The following CACNA1D variants were observed in gnomAD, a reference collection of about 807,000 sequenced individuals.
CACNA1D encodes calcium voltage-gated channel subunit alpha1 D.
In CACNA1D, 55 loss-of-function variants were observed where a neutral mutation model predicts 257.1. The ratio of observed to expected loss-of-function variants is 0.21; its 90% CI spans 0.17 to 0.27. The LOEUF is 0.27. Among genes scored for constraint, CACNA1D ranks in the 10% least tolerant of loss-of-function variants. CACNA1D has a pLI of 1.00. For synonymous variants in CACNA1D, 980 were observed against 1,014.9 expected (o/e 0.97, Z 0.65); for missense variants, 1,876 against 2,784.0 (o/e 0.67, Z 7.34).
At chr3:53,713,543 T>TGTGTGTGTGTGTGTGTGA (rs377132134) in intron 9 of CACNA1D, among the ~76,000 whole-genome samples, 116 of 121,002 alleles carry the variant, frequency 9.6e-4, no homozygotes, top group African/African-American at 3.4e-3. Flanking sequence ...TGTGTGTGTG[T>TGTGTGTGTGTGTGTGTGA]GAGAGATTTG....
chr3:53,790,871 T>G (rs2095479371), intron 40 of CACNA1D: 2 of 665,792 alleles, frequency 3.0e-6, no homozygotes, highest in Non-Finnish European at 5.4e-6. Context: ...TAAAGCATGA[T>G]TCTACCTGAA....
At chr3:53,658,754 G>A (rs72978534) in intron 4 of CACNA1D, among the ~76,000 whole-genome samples, 1 of 152,192 alleles carries the variant, frequency 6.6e-6, no homozygotes, top group Non-Finnish European at 1.5e-5. Context: ...TGAAGAGAGA[G>A]AAGCCTGTCA....
intron 3 of CACNA1D, among the ~76,000 whole-genome samples, chr3:53,580,443 T>TC (rs1316238025): frequency 6.6e-6 from 1 of 152,244 alleles, no homozygotes; most frequent in Non-Finnish European, 1.5e-5. Flanking sequence ...GGCCATCTCC[T>TC]CTGCATCTCC....
intron 8 of CACNA1D, among the ~76,000 whole-genome samples, chr3:53,689,969 T>A (rs2094505117): frequency 6.6e-6 from 1 of 152,242 alleles, no homozygotes; most frequent in African/African-American, 2.4e-5. Flanking sequence ...TAGATTTTTT[T>A]TTAATTGCTT....
chr3:53,513,218 G>A (rs1353575020), intron 3 of CACNA1D, among the ~76,000 whole-genome samples: 1 of 152,182 alleles, frequency 6.6e-6, no homozygotes, highest in Non-Finnish European at 1.5e-5. Context: ...GAATAACAGT[G>A]TTTCAGTTCA....
intron 3 of CACNA1D, among the ~76,000 whole-genome samples, chr3:53,528,561 T>C (rs1383949228): frequency 6.6e-6 from 1 of 152,188 alleles, no homozygotes; most frequent in African/African-American, 2.4e-5. Flanking sequence ...CTTGTCAATT[T>C]CTATAAAACA....
rs1295154983 is a variant in CACNA1D at position 53,587,255 on chromosome 3, A to G, written c.484-63524A>G. On this transcript the variant is annotated intron_variant, in intron 3 of 47. Transcript: ENST00000350061. ...TTATTCAGGGAAATGTTCGTGCTGT[A>G]GACTCTGGGGTGACTGAAGTGGGAA... Among the ~76,000 whole-genome samples the G allele has an allele frequency of 2.6e-5, 4 of 152,184 alleles. No individual in the cohort carries two copies. In the East Asian group the frequency reaches 7.7e-4, roughly 29 times the overall value.
chr3:53,508,979 G>T (rs535052854), intron 3 of CACNA1D, among the ~76,000 whole-genome samples: 1 of 152,170 alleles, frequency 6.6e-6, no homozygotes, highest in Non-Finnish European at 1.5e-5. Context: ...AAGGGTAGAG[G>T]GCTGGTTAGC....
chr3:53,544,194 C>G (rs927705853), intron 3 of CACNA1D, among the ~76,000 whole-genome samples: 1 of 152,150 alleles, frequency 6.6e-6, no homozygotes, highest in Non-Finnish European at 1.5e-5. Flanking sequence ...AGAGGGTCAT[C>G]TTGTCCCAAA....
At chr3:53,688,276 C>G (rs889551819) in intron 8 of CACNA1D, among the ~76,000 whole-genome samples, 4 of 152,192 alleles carry the variant, frequency 2.6e-5, no homozygotes, top group Non-Finnish European at 5.9e-5. Context: ...CCTGTGGGGT[C>G]TCTGCTGGCT....
intron 5 of CACNA1D, among the ~76,000 whole-genome samples, chr3:53,662,020 G>T (rs2094208361): frequency 6.6e-6 from 1 of 152,198 alleles, no homozygotes; most frequent in Non-Finnish European, 1.5e-5. Flanking sequence ...AAAAGGATCA[G>T]AGGTTGTCGG....
chr3:53,633,130 G>A (rs1338636254), intron 3 of CACNA1D, among the ~76,000 whole-genome samples: 2 of 152,226 alleles, frequency 1.3e-5, no homozygotes, highest in African/African-American at 2.4e-5. Context: ...ACTATTGTGT[G>A]CATACTATGT....
intron 3 of CACNA1D, among the ~76,000 whole-genome samples, chr3:53,583,032 C>T (rs2093157968): frequency 6.6e-6 from 1 of 152,126 alleles, no homozygotes; most frequent in Non-Finnish European, 1.5e-5. Context: ...GTGGAAAGCT[C>T]CATTCAGTTT....
rs1281558393 is a variant in CACNA1D, at chr3:53,730,563, C to T, written c.2336+7C>T. The T allele has an allele frequency of 1.3e-6, 2 of 1,591,808 alleles. No individual in the cohort carries two copies. Among genetic ancestry groups the T allele is most frequent in the South Asian group, 2.2e-5 (2 of 90,494 alleles). On this transcript the variant is annotated splice_region_variant and intron_variant, in intron 16 of 47. Transcript: ENST00000350061. ...AGAGGAAAAAGATTGCCAGGTAACCCTATTTTCCCCTGACGTGTTTGTCCA... is the reference window on the plus strand; with the variant it reads ...AGAGGAAAAAGATTGCCAGGTAACCTTATTTTCCCCTGACGTGTTTGTCCA...
At chr3:53,784,367 G>T (rs1025785397) in intron 39 of CACNA1D, among the ~76,000 whole-genome samples, 2 of 152,100 alleles carry the variant, frequency 1.3e-5, no homozygotes, top group Admixed American at 6.5e-5. Flanking sequence ...TTTTCAGTCC[G>T]GAGCCCAGAT....
chr3:53,497,100 C>T, intron 1 of CACNA1D, 52 bp from the exon 2 acceptor site: 1 of 1,416,412 alleles, frequency 7.1e-7, no homozygotes, highest in Non-Finnish European at 9.9e-7. Context: ...TTCTCCTACC[C>T]ACTGGATCCT....
chr3:53,775,787 T>G, intron 34 of CACNA1D, 99 bp from the exon 35 acceptor site: 2 of 1,150,074 alleles, frequency 1.7e-6, no homozygotes, highest in South Asian at 2.5e-5. Flanking sequence ...TTCAAATGAC[T>G]TAGGTTTTGC....
rs2094979869 is a variant in CACNA1D, at chr3:53,730,536, G to A, written c.2316G>A (p.Lys772=). 1 of 1,613,842 alleles carries A rather than the reference G, an allele frequency of 6.2e-7. No homozygotes were observed. The highest frequency in any genetic ancestry group is 1.3e-5 in the African/African-American group (1 of 75,062). The change falls in exon 16 of 48, where the codon AAG becomes AAA. Residue 772 remains lysine (K), a synonymous_variant. Coordinates refer to ENST00000350061, the MANE Select transcript of CACNA1D (RefSeq NM_001128840.3). ...CTCAGAAAGAAGAAGCGGAAGAAAA[G>A]GAGAGGAAAAAGATTGCCAGGTAAC... is the stretch of plus-strand genomic sequence containing the variant. ...NTAQKEEAEE[K]ERKKIARKES...
At position 53,793,952 on chromosome 3, in the gene CACNA1D, A is replaced by G. The variant is rs1188440607; in HGVS notation, c.4924-6297A>G. 6.6e-6 allele frequency among the ~76,000 whole-genome samples: 1 copy of G among 152,244 alleles called. No individual in the cohort carries two copies. The highest frequency in any genetic ancestry group is 1.5e-5 in the Non-Finnish European group (1 of 68,042). ...CCCCCAACACCAGCATCCATAGGCT[A>G]AACTCTTCAGCTCCTGGATAGAAGA... On this transcript the variant is annotated intron_variant, in intron 40 of 47. Transcript: ENST00000350061. This position sits in a 1 kb window ranked among gnomAD's most constrained non-coding sequence, Gnocchi z 4.1.
Sources: allele counts gnomAD v4.1 joint callset (sites outside exome capture counted in the v4.1 genomes callset), GRCh38; gene constraint gnomAD v4.1.1; non-coding constraint Gnocchi (gnomAD v3.1); transcripts MANE v1.5; gene names NCBI Gene and HGNC (gene_info 2026-07-23, HGNC 2026-07-21).